Variants in SCAMP3 observed in about 807,000 individuals in gnomAD.
The protein encoded by SCAMP3 is secretory carrier membrane protein 3.
A neutral mutation model predicts 44.1 loss-of-function variants in SCAMP3; 30 were observed. That is an observed-to-expected ratio of 0.68 (90% confidence interval 0.51 to 0.92). The LOEUF (loss-of-function observed/expected upper bound fraction) is 0.92, where lower values mean the gene tolerates loss of function less well. Among genes scored for constraint, SCAMP3 ranks in the 40% least tolerant of loss-of-function variants. The pLI, the probability that SCAMP3 is intolerant of heterozygous loss-of-function variation, is 0.00. For synonymous variants in SCAMP3, 168 were observed against 171.1 expected (o/e 0.98, Z 0.14); for missense variants, 394 against 440.0 (o/e 0.90, Z 0.93).
At position 155,260,675 on chromosome 1, in the gene SCAMP3, C is replaced by A. The variant is rs1168383797; in HGVS notation, c.145-16G>T. ...CTGGTGGTGGCTGTTGAGGAAAAGACCTTAGTGATCATCTAGTCCCTCATA... is the reference window on the plus strand; with the variant it reads ...CTGGTGGTGGCTGTTGAGGAAAAGAACTTAGTGATCATCTAGTCCCTCATA... On this transcript the variant is annotated splice_polypyrimidine_tract_variant and intron_variant, in intron 2 of 8. Transcript: ENST00000302631. 1.9e-6 allele frequency: 3 copies of A among 1,594,366 alleles called. No individual in the cohort carries two copies. Among genetic ancestry groups the A allele is most frequent in the East Asian group, 2.2e-5 (1 of 44,844 alleles).
chr1:155,257,603 A>G lies in SCAMP3; in HGVS notation c.572T>C (p.Val191Ala). 4 of 1,588,500 alleles carry G rather than the reference A, an allele frequency of 2.5e-6. No homozygotes were observed. The highest frequency in any genetic ancestry group is 3.4e-6 in the Non-Finnish European group (4 of 1,165,924). ...AAAGCCTGCGCCATTGTTGGTTTCC[A>G]CACAGAAGCTGGCCAGGCAGGCGAG... ...NFLACLASFC[V>A]ETNNGAGFGL... Residue 191 changes from valine (V) to alanine (A), a missense_variant, in exon 6 of 9, where the codon GTG (valine) becomes GCG (alanine). Val to Ala is a moderately conservative substitution (Grantham distance 64). Coordinates refer to ENST00000302631, the MANE Select transcript of SCAMP3 (RefSeq NM_005698.4).
At position 155,256,245 on chromosome 1, in the gene SCAMP3, AG is replaced by A; in HGVS notation, c.*27del. ...GGGAGCTAAGTCAGCTCCCTCAAGT[AG>A]CAGGGCCAGGGCATCCCAGTCAGGG... On this transcript the variant is annotated 3_prime_UTR_variant, in exon 9 of 9. Transcript: ENST00000302631. The A allele has an allele frequency of 6.6e-7, 1 of 1,526,674 alleles. No homozygotes were observed. Among genetic ancestry groups the A allele is most frequent in the Admixed American group, 2.2e-5 (1 of 45,898 alleles). 94.6% of individuals were successfully genotyped at this position (1,526,674 alleles called of 1,614,324 possible).
In SCAMP3 at chr1:155,260,646, T is replaced by C. The variant is rs1486250890; in HGVS notation, c.158A>G (p.Tyr53Cys). 3.1e-6 allele frequency: 5 copies of C among 1,611,424 alleles called. No homozygotes were observed. Among genetic ancestry groups the C allele is most frequent in the African/African-American group, 2.7e-5 (2 of 74,870 alleles). ...PFETREPPPA[Y>C]EPPAPAPLPP... ...CAATGGGGCAGGGGCTGGAGGCTCA[T>C]AGGCTGGTGGTGGCTGTTGAGGAAA... Residue 53 changes from tyrosine (Y) to cysteine (C), a missense_variant, in exon 3 of 9, where the codon TAT (tyrosine) becomes TGT (cysteine). Physicochemically the swap from Tyr to Cys is radical, Grantham distance 194. Coordinates refer to ENST00000302631, the MANE Select transcript of SCAMP3 (RefSeq NM_005698.4).
chr1:155,257,643 G>A lies in SCAMP3; in HGVS notation c.532C>T (p.Leu178Phe), dbSNP rs1227450223. 1 of 1,560,854 alleles carries A rather than the reference G, an allele frequency of 6.4e-7. No individual in the cohort carries two copies. The highest frequency in any genetic ancestry group is 8.7e-7 in the Non-Finnish European group (1 of 1,151,780). The change falls in exon 6 of 9, where the codon CTT (leucine) becomes TTT (phenylalanine). Residue 178 changes from leucine to phenylalanine, a missense_variant. By Grantham distance (22) the Leu-to-Phe change is conservative. Transcript: ENST00000302631. ...YYLWMCSTLA[L>F]LLNFLACLAS... ...AGGCAGGCGAGGAAGTTCAGGAGAA[G>A]AGCCAGCGTGCTGCCTAAGGGGCAG... is the stretch of plus-strand genomic sequence containing the variant.
At chr1:155,259,204 C>T (rs1448003638) in intron 4 of SCAMP3, among the ~76,000 whole-genome samples, 3 of 133,010 alleles carry the variant, frequency 2.3e-5, no homozygotes, top group African/African-American at 2.8e-5. Flanking sequence ...GATAGAGTTT[C>T]GCTCTTGTTG....
At chr1:155,258,318 CTTTTTTTTTTTTTTTTT>C (rs71996352) in intron 5 of SCAMP3, among the ~76,000 whole-genome samples, 19 of 86,592 alleles carry the variant, frequency 2.2e-4, no homozygotes, top group Non-Finnish European at 4.4e-4. Flanking sequence ...CGTGCCCGGC[CTTTTTTTTTTTTTTTTT>C]TTTTTTTTTT....
chr1:155,258,906 G>A lies in SCAMP3; in HGVS notation c.437C>T (p.Pro146Leu), dbSNP rs764593894. 1.4e-5 allele frequency: 23 copies of A among 1,613,154 alleles called. No homozygotes were observed. The highest frequency in any genetic ancestry group is 1.9e-5 in the Non-Finnish European group (23 of 1,179,684). ...CATGGAGATGTCCTGGAAAAAGCAG[G>A]GCTGAACTGGACAAAAAGAAGGTAG... ...PPLPSFCPVQ[P>L]CFFQDISMEI... is the part of the protein sequence containing the mutation. Residue 146 changes from proline to leucine, a missense_variant, in exon 5 of 9, where the codon CCC (proline) becomes CTC (leucine). Transcript: ENST00000302631.
At chr1:155,256,834 T>C (rs1033471499) in intron 7 of SCAMP3, 43 bp from the exon 8 acceptor site, 1 of 1,485,934 alleles carries the variant, frequency 6.7e-7, no homozygotes, top group Non-Finnish European at 9.4e-7. Context: ...GCTCCTCAGC[T>C]TCTCCACTGG....
chr1:155,260,631 G>A lies in SCAMP3; in HGVS notation c.173C>T (p.Pro58Leu). 1 of 1,613,534 alleles carries A rather than the reference G, an allele frequency of 6.2e-7. No individual in the cohort carries two copies. The highest frequency in any genetic ancestry group is 8.5e-7 in the Non-Finnish European group (1 of 1,179,694). ...AGCTGAGGGTGGAGGCAATGGGGCA[G>A]GGGCTGGAGGCTCATAGGCTGGTGG... is the stretch of plus-strand genomic sequence containing the variant. ...EPPPAYEPPA[P>L]APLPPPSAPS... Residue 58 changes from proline to leucine, a missense_variant, in exon 3 of 9, where the codon CCT becomes CTT. Coordinates refer to ENST00000302631, the MANE Select transcript of SCAMP3 (RefSeq NM_005698.4).
At chr1:155,261,224 CTTTT>C (rs768766320) in intron 2 of SCAMP3, 28 of 172,590 alleles carry the variant, frequency 1.6e-4, no homozygotes, top group Admixed American at 3.4e-4. Context: ...CCATGCTTGG[CTTTT>C]TTTTTTAAGT....
chr1:155,257,384 C>T lies in SCAMP3; in HGVS notation c.680G>A (p.Ser227Asn), dbSNP rs946499418. 12 of 1,613,052 alleles carry T rather than the reference C, an allele frequency of 7.4e-6. No homozygotes were observed. In the Admixed American group the frequency reaches 1.8e-4, roughly 25 times the overall value. ...WYRPMYKAFR[S>N]DSSFNFFVFF... is the part of the protein sequence containing the mutation. The stretch of plus-strand genomic sequence containing the variant: ...AACGAAGAAATTGAATGAACTGTCA[C>T]TCCTACAAAGAGGAAAAAAATGGGG... The change falls in exon 7 of 9, where the codon AGT (serine) becomes AAT (asparagine). Residue 227 changes from serine (S) to asparagine (N), a missense_variant and splice_region_variant. Transcript: ENST00000302631.
intron 3 of SCAMP3, 31 bp from the exon 4 acceptor site, chr1:155,260,481 C>T: frequency 6.2e-7 from 1 of 1,614,144 alleles, no homozygotes. Flanking sequence ...GAGATGTGAG[C>T]CCTGGGCCCC....
chr1:155,261,634 T>C, intron 2 of SCAMP3, 23 bp downstream of exon 2: 1 of 1,607,888 alleles, frequency 6.2e-7, no homozygotes, highest in Non-Finnish European at 8.5e-7. Flanking sequence ...TTCCTTGAAC[T>C]CCTATGCTCT....
At chr1:155,260,990 C>T (rs1353257694) in intron 2 of SCAMP3, among the ~76,000 whole-genome samples, 1 of 151,536 alleles carries the variant, frequency 6.6e-6, no homozygotes, top group African/African-American at 2.4e-5. Context: ...TGCAGTGGTG[C>T]AATCATCACT....
chr1:155,258,764 G>T, intron 5 of SCAMP3, 62 bp downstream of exon 5: 1 of 1,482,242 alleles, frequency 6.7e-7, no homozygotes, highest in Non-Finnish European at 9.1e-7. Context: ...CTTGGTGAGC[G>T]GACCCCAGGG....
intron 4 of SCAMP3, among the ~76,000 whole-genome samples, chr1:155,259,976 G>A (rs1281635110): frequency 6.9e-6 from 1 of 144,374 alleles, no homozygotes. Flanking sequence ...TTTTTGAGAT[G>A]GAGTCTCACT....
chr1:155,262,205 G>A lies in SCAMP3; in HGVS notation c.-54C>T. On this transcript the variant is annotated 5_prime_UTR_variant, in exon 1 of 9. Coordinates refer to ENST00000302631, the MANE Select transcript of SCAMP3 (RefSeq NM_005698.4). ...TGCCCTCCACGCCCCTGCCGCAGCA[G>A]TGGCGGTAGCGGTAGCCCTCAGAGT... The A allele has an allele frequency of 3.9e-6, 6 of 1,546,786 alleles. No individual in the cohort carries two copies. The highest frequency in any genetic ancestry group is 5.3e-6 in the Non-Finnish European group (6 of 1,126,142).
chr1:155,261,828 G>A, intron 1 of SCAMP3, 94 bp from the exon 2 acceptor site: 1 of 1,178,138 alleles, frequency 8.5e-7, no homozygotes, highest in South Asian at 1.2e-5. Flanking sequence ...TCCAAGTACT[G>A]CACCTTCGGG....
Position 155,256,873 on chromosome 1 carries a change from C to T in SCAMP3, c.780-82G>A, listed in dbSNP as rs1462825268. On this transcript the variant is annotated intron_variant, in intron 7 of 8. Transcript: ENST00000302631. ...TGTCACCAGCATCCCCTGTTCCTAC[C>T]CTTCCCATCAGCAGTGGCTCCCTGT... 71 of 1,108,030 alleles carry T rather than the reference C, an allele frequency of 6.4e-5. No homozygotes were observed. The Admixed American group carries it at 1.3e-3, about 20-fold the overall frequency. 68.6% of individuals were successfully genotyped at this position (1,108,030 alleles called of 1,614,324 possible).
Sources: gnomAD v4.1 joint callset for allele counts (sites outside exome capture counted in the v4.1 genomes callset) on GRCh38, gnomAD v4.1.1 for gene constraint, MANE v1.5 for transcripts, NCBI Gene and HGNC (gene_info 2026-07-23, HGNC 2026-07-21) for gene names.